Variants in MMP28 observed in about 807,000 individuals in gnomAD.
MMP28 encodes the protein matrix metallopeptidase 28.
A neutral mutation model predicts 60.5 loss-of-function variants in MMP28; 55 were observed. The observed-to-expected ratio is 0.91, with a 90% CI of 0.73 to 1.14. MMP28 has a LOEUF of 1.14. Among genes scored for constraint, MMP28 ranks in the 50% most tolerant of loss-of-function variants. The probability of loss-of-function intolerance (pLI) is 0.00; values close to 1 mark genes in which losing one functional copy is unlikely to be tolerated. For missense variants in MMP28, 686 were observed against 738.3 expected, an observed-to-expected ratio of 0.93 and a Z score of 0.82; for synonymous variants, 318 against 312.5, an observed-to-expected ratio of 1.02 and a Z score of -0.18.
At chr17:35,757,670 A>G (rs587622153) in intron 2 of MMP28, among the ~76,000 whole-genome samples, 12 of 152,334 alleles carry the variant, frequency 7.9e-5, no homozygotes, top group African/African-American at 2.9e-4. Context: ...TAAGTTTAGG[A>G]GGCCCCATTC....
At chr17:35,765,518 C>T (rs2085916646), downstream of MMP28, among the ~76,000 whole-genome samples, 1 of 152,200 alleles carries the variant, frequency 6.6e-6, no homozygotes, top group Admixed American at 6.5e-5. Context: ...GGGAATGCCT[C>T]GTGTGTGGCC....
downstream of MMP28, among the ~76,000 whole-genome samples, chr17:35,763,689 G>A (rs1418817467): frequency 2.0e-5 from 3 of 151,782 alleles, no homozygotes; most frequent in African/African-American, 7.3e-5. Context: ...CTGAGGTCAG[G>A]AGTTTGAGAC....
rs547171015 is a variant in MMP28 at position 35,767,500 on chromosome 17, G to A, written c.1168+252C>T. On this transcript the variant is annotated intron_variant, in intron 7 of 7. Coordinates refer to ENST00000605424, the MANE Select transcript of MMP28 (RefSeq NM_024302.5). ...CTTTCTGCTCAGTTGCAGAACTCCA[G>A]AGCAGTCCTCTGCTTCCCTCTAGAC... 1.6e-3 allele frequency among the ~76,000 whole-genome samples: 251 copies of A among 152,310 alleles called. No homozygotes were observed. The Middle Eastern group carries it at 0.054, about 33-fold the overall frequency.
At chr17:35,788,642 C>T (rs1405858109) in intron 1 of MMP28, among the ~76,000 whole-genome samples, 1 of 152,098 alleles carries the variant, frequency 6.6e-6, no homozygotes, top group East Asian at 1.9e-4. Context: ...GTATGAGAAA[C>T]AGACACTGCA....
At chr17:35,758,030 GTTAAGGAGCTATTTATACTA>G (rs2085759893) in intron 2 of MMP28, 1 of 152,144 alleles carries the variant, frequency 6.6e-6, no homozygotes, top group Non-Finnish European at 1.5e-5. Flanking sequence ...CCTATTAGAA[GTTAAGGAGCTATTTATACTA>G]TTAATTTCAA....
At position 35,766,662 on chromosome 17, in the gene MMP28, G is replaced by A. The variant is rs79742527; in HGVS notation, c.1401C>T (p.Ser467=). 42,214 of 1,610,494 alleles carry A rather than the reference G, an allele frequency of 0.026. 847 individuals are homozygous for A. The highest frequency in any genetic ancestry group is 0.13 in the East Asian group (5,640 of 44,750). ...QDWGGIPEEV[S]GALPRPDGSI... is the part of the protein sequence containing the mutation. ...AGCCATCGGGCCTCGGCAGGGCGCC[G>A]CTGACCTCCTCAGGGATGCCTCCCC... The change falls in exon 8 of 8, where the codon AGC becomes AGT. Residue 467 remains serine, a synonymous_variant. Transcript: ENST00000605424. This position sits in a 1 kb window ranked among gnomAD's most constrained non-coding sequence, Gnocchi z 4.3.
Position 35,766,515 on chromosome 17 carries a change from C to G in MMP28, c.1548G>C (p.Gly516=), listed in dbSNP as rs1555603197. The G allele has an allele frequency of 6.3e-7, 1 of 1,595,030 alleles. No homozygotes were observed. Among genetic ancestry groups the G allele is most frequent in the Admixed American group, 1.7e-5 (1 of 59,528 alleles). Residue 516 remains glycine, a synonymous_variant, in exon 8 of 8, where the codon GGG becomes GGC. Transcript: ENST00000605424. This position sits in a 1 kb window ranked among gnomAD's most constrained non-coding sequence, Gnocchi z 4.3. ...PWMGCWHANS[G]SALF is the part of the protein sequence containing the mutation. ...GGAGGTGCCTTCAGAACAGGGCGCT[C>G]CCCGAGTTGGCATGCCAGCAGCCCA... is the stretch of plus-strand genomic sequence containing the variant.
At chr17:35,773,910 C>T (rs2086247373) in intron 3 of MMP28, among the ~76,000 whole-genome samples, 1 of 152,204 alleles carries the variant, frequency 6.6e-6, no homozygotes, top group African/African-American at 2.4e-5. Context: ...TCACACCCTC[C>T]TGCCACCTCT....
intron 2 of MMP28, chr17:35,758,400 C>T (rs1468708247): frequency 6.6e-6 from 1 of 152,190 alleles, no homozygotes; most frequent in Non-Finnish European, 1.5e-5. Context: ...AGATCAATTT[C>T]TAGTGTGCTG....
intron 1 of MMP28, among the ~76,000 whole-genome samples, chr17:35,792,077 G>T (rs937104157): frequency 7.2e-5 from 11 of 152,080 alleles, no homozygotes; most frequent in African/African-American, 2.4e-4. Context: ...CAACTGTGGG[G>T]CTCACTTTCT....
At chr17:35,786,699 C>CTAAAAAAAAAAAAAAAAAAAAAAAA (rs2086657491) in intron 1 of MMP28, among the ~76,000 whole-genome samples, 1 of 71,068 alleles carries the variant, frequency 1.4e-5, no homozygotes, top group Non-Finnish European at 2.8e-5. Context: ...CCTGTCTCTA[C>CTAAAAAAAAAAAAAAAAAAAAAAAA]AAAAAAAAAA....
chr17:35,773,334 TGCCG>T lies in MMP28; in HGVS notation c.446_449del (p.Pro149GlnfsTer77). On this transcript the variant is annotated frameshift_variant, in exon 4 of 8. Transcript: ENST00000605424. LOFTEE classifies it high-confidence loss of function. ...AGGCGGCGCGCACGGCGCCCCGAAC[TGCCG>T]GCTCCGGCAGATGCTCAGGCCAGTT... The T allele has an allele frequency of 6.2e-7, 1 of 1,612,934 alleles. No homozygotes were observed. The highest frequency in any genetic ancestry group is 8.5e-7 in the Non-Finnish European group (1 of 1,179,514).
At chr17:35,767,700 G>A (rs1314395344) in intron 7 of MMP28, 52 bp downstream of exon 7, 2 of 1,545,296 alleles carry the variant, frequency 1.3e-6, no homozygotes, top group Non-Finnish European at 1.7e-6. Context: ...CCTTGGGCAG[G>A]ACACCTTCCC....
intron 4 of MMP28, among the ~76,000 whole-genome samples, chr17:35,772,279 A>C (rs1003537185): frequency 2.6e-5 from 4 of 152,186 alleles, no homozygotes; most frequent in African/African-American, 9.6e-5. Context: ...GGGGATCCTG[A>C]TGTCCTTACT....
Position 35,759,159 on chromosome 17 carries a change from G to A in MMP28, c.266-2740C>T, listed in dbSNP as rs969414463. Among the ~76,000 whole-genome samples, 11 of 152,298 alleles carry A rather than the reference G, an allele frequency of 7.2e-5. No homozygotes were observed. In the East Asian group the frequency reaches 1.9e-3, roughly 27 times the overall value. ...TCAAGTCTTTTGGTCATTCTGTGAG[G>A]TCTCACTATTCTTTCTCTTTAAATC... On this transcript the variant is annotated intron_variant, in intron 2 of 2. Transcript: ENST00000615317.
At chr17:35,765,369 T>C (rs1555602671), downstream of MMP28, among the ~76,000 whole-genome samples, 1 of 151,856 alleles carries the variant, frequency 6.6e-6, no homozygotes, top group East Asian at 1.9e-4. Context: ...CACTAGCAGG[T>C]GTGGAGGGGT....
chr17:35,792,876 A>G (rs890559790), intron 1 of MMP28, among the ~76,000 whole-genome samples: 2 of 152,228 alleles, frequency 1.3e-5, no homozygotes, highest in African/African-American at 4.8e-5. Flanking sequence ...CCATACAACA[A>G]TCTTGTGAAA....
downstream of MMP28, among the ~76,000 whole-genome samples, chr17:35,761,196 C>T (rs587612206): frequency 2.6e-5 from 4 of 151,202 alleles, no homozygotes; most frequent in East Asian, 3.9e-4. Context: ...CTCTGCCTCC[C>T]GGGTTCAAGT....
chr17:35,783,101 C>A (rs565630101), intron 1 of MMP28, among the ~76,000 whole-genome samples: 21 of 152,340 alleles, frequency 1.4e-4, no homozygotes, highest in Admixed American at 1.2e-3. Flanking sequence ...GCTGGGACTA[C>A]AGGCGTGAGC....
Sources: gnomAD v4.1 joint callset for allele counts (sites outside exome capture counted in the v4.1 genomes callset) on GRCh38, gnomAD v4.1.1 for gene constraint, Gnocchi (gnomAD v3.1) non-coding constraint, MANE v1.5 for transcripts, NCBI Gene and HGNC (gene_info 2026-07-23, HGNC 2026-07-21) for gene names.